Variants in CDC123 observed in about 807,000 individuals in gnomAD.
CDC123 encodes cell division cycle 123.
In CDC123, 37 loss-of-function variants were observed where a neutral mutation model predicts 54.4. That is an observed-to-expected ratio of 0.68 (90% CI 0.52 to 0.89). The LOEUF is 0.89. CDC123 is among the 40% of genes least tolerant of loss of function. The probability of loss-of-function intolerance (pLI) is 0.00; values close to 1 mark genes in which losing one functional copy is unlikely to be tolerated. For synonymous variants in CDC123, 144 were observed against 136.8 expected (o/e 1.05, Z -0.37); for missense variants, 361 against 412.1 (o/e 0.88, Z 1.07).
chr10:12,215,815 C>T lies in CDC123; in HGVS notation c.313C>T (p.Leu105Phe). ...CCTCGGGGGCAGTGTCTTTCCTAAG[C>T]TTAATTGGAGTGCCCCAAGGGTAGG... The part of the protein sequence containing the change: ...NSLGGSVFPK[L>F]NWSAPRDAYW... Residue 105 changes from leucine to phenylalanine, a missense_variant, in exon 5 of 13, where the codon CTT becomes TTT. Transcript: ENST00000281141. The T allele has an allele frequency of 1.2e-6, 2 of 1,610,884 alleles. No individual in the cohort carries two copies. The highest frequency in any genetic ancestry group is 1.7e-6 in the Non-Finnish European group (2 of 1,178,580).
chr10:12,205,867 T>C (rs906124655), intron 2 of CDC123, among the ~76,000 whole-genome samples: 1 of 152,136 alleles, frequency 6.6e-6, no homozygotes, highest in African/African-American at 2.4e-5. Context: ...GGCACGATCT[T>C]GGCCCACTGC....
chr10:12,228,418 T>TC (rs1229708392), intron 6 of CDC123, among the ~76,000 whole-genome samples: 2 of 151,940 alleles, frequency 1.3e-5, no homozygotes, highest in African/African-American at 4.8e-5. Context: ...AGTTTTTTTT[T>TC]TTTTTGAAAC....
rs1325131842 is a variant in CDC123 at position 12,235,129 on chromosome 10, T to A, written c.565+6T>A. 6.2e-7 allele frequency: 1 copy of A among 1,606,146 alleles called. No individual in the cohort carries two copies. Among genetic ancestry groups the A allele is most frequent in the East Asian group, 2.2e-5 (1 of 44,640 alleles). On this transcript the variant is annotated splice_donor_region_variant and intron_variant, in intron 8 of 12. Transcript: ENST00000281141. Reference sequence around the variant, plus strand: ...CAAGGAAAACAAGCTTATTGGTGAGTTTTTGTTTGTTTGTTTGTTTTATCC... The same window carrying A: ...CAAGGAAAACAAGCTTATTGGTGAGATTTTGTTTGTTTGTTTGTTTTATCC...
chr10:12,214,028 T>C (rs1010697078), intron 4 of CDC123, among the ~76,000 whole-genome samples: 4 of 152,218 alleles, frequency 2.6e-5, no homozygotes, highest in Admixed American at 2.0e-4. Flanking sequence ...AAACAGTACA[T>C]AGTCTTCCAC....
rs544242080 is a variant in CDC123, at chr10:12,223,583, G to A, written c.440+6116G>A. Among the ~76,000 whole-genome samples the A allele has an allele frequency of 4.6e-5, 7 of 152,216 alleles. No individual in the cohort carries two copies. The South Asian group carries it at 1.4e-3, about 32-fold the overall frequency. On this transcript the variant is annotated intron_variant, in intron 6 of 12. Coordinates refer to ENST00000281141, the MANE Select transcript of CDC123 (RefSeq NM_006023.3). ...TTATAGGCATGAGCCACTACACCGGGCCTAATTATAATTATGAAGTCCACA... is the reference window on the plus strand; with the variant it reads ...TTATAGGCATGAGCCACTACACCGGACCTAATTATAATTATGAAGTCCACA...
chr10:12,198,944 C>T (rs1172318489), intron 2 of CDC123, 168 bp downstream of exon 2: 1 of 529,836 alleles, frequency 1.9e-6, no homozygotes, highest in Non-Finnish European at 3.4e-6. Context: ...TTAATATTTT[C>T]AACATTAAGT....
At chr10:12,250,040 C>T (rs1836219901) in intron 12 of CDC123, 2 of 472,158 alleles carry the variant, frequency 4.2e-6, no homozygotes, top group African/African-American at 2.0e-5. Context: ...GGTGATTTTA[C>T]TCAAGAGGGG....
At chr10:12,203,880 G>A (rs1835478412) in intron 2 of CDC123, among the ~76,000 whole-genome samples, 1 of 152,084 alleles carries the variant, frequency 6.6e-6, no homozygotes, top group South Asian at 2.1e-4. Flanking sequence ...ATCACTTGAG[G>A]CCAGGAGATG....
At chr10:12,226,880 G>T (rs187531181) in intron 6 of CDC123, among the ~76,000 whole-genome samples, 1 of 152,120 alleles carries the variant, frequency 6.6e-6, no homozygotes, top group African/African-American at 2.4e-5. Flanking sequence ...CTGCAATCTC[G>T]GCACTTTGGG....
chr10:12,240,425 C>T (rs957435962), intron 10 of CDC123, among the ~76,000 whole-genome samples: 8 of 152,222 alleles, frequency 5.3e-5, no homozygotes, highest in Non-Finnish European at 2.9e-5. Flanking sequence ...CACCTTTGGA[C>T]ATCTTCGAAT....
At chr10:12,246,352 AG>A (rs1301995044) in intron 11 of CDC123, 75 bp downstream of exon 11, 1 of 1,547,900 alleles carries the variant, frequency 6.5e-7, no homozygotes, top group Non-Finnish European at 8.8e-7. Flanking sequence ...TCAGACGCAT[AG>A]GTAGGCGGCA....
chr10:12,235,163 C>T, intron 8 of CDC123, 40 bp downstream of exon 8: 1 of 1,515,068 alleles, frequency 6.6e-7, no homozygotes, highest in Non-Finnish European at 9.2e-7. Flanking sequence ...CCTTCAAAGT[C>T]ATCTTTAAAA....
intron 2 of CDC123, among the ~76,000 whole-genome samples, chr10:12,205,795 CTT>C (rs1297694986): frequency 6.6e-6 from 1 of 151,358 alleles, no homozygotes; most frequent in Non-Finnish European, 1.5e-5. Context: ...GTCTAATAAA[CTT>C]TCACTTTTTT....
chr10:12,226,595 G>T (rs1835819241), intron 6 of CDC123, among the ~76,000 whole-genome samples: 1 of 151,612 alleles, frequency 6.6e-6, no homozygotes, highest in African/African-American at 2.4e-5. Context: ...CGGCTGGGCA[G>T]AGGCGCTCCT....
At chr10:12,207,007 C>A (rs12411838) in intron 2 of CDC123, among the ~76,000 whole-genome samples, 76,573 of 149,764 alleles carry the variant, frequency 0.51, 20,721 homozygotes, top group Middle Eastern at 0.64. Flanking sequence ...TCCATTTTTG[C>A]CCATTTAAGG....
intron 6 of CDC123, among the ~76,000 whole-genome samples, chr10:12,221,361 G>A (rs1479318704): frequency 1.3e-5 from 2 of 152,162 alleles, no homozygotes. Context: ...ATGGTTAAAA[G>A]ATTGCTGCTA....
At chr10:12,204,692 G>A (rs1835490562) in intron 2 of CDC123, among the ~76,000 whole-genome samples, 1 of 152,002 alleles carries the variant, frequency 6.6e-6, no homozygotes, top group African/African-American at 2.4e-5. Flanking sequence ...CTATTGTTCT[G>A]TCAAGTAGTA....
chr10:12,200,934 A>G (rs1835430954), intron 2 of CDC123, among the ~76,000 whole-genome samples: 1 of 37,466 alleles, frequency 2.7e-5, no homozygotes, highest in African/African-American at 5.7e-5. Flanking sequence ...ACTTCGTCTC[A>G]AAAAAAAAAA....
At chr10:12,229,459 C>T (rs79828082) in intron 6 of CDC123, among the ~76,000 whole-genome samples, 3,632 of 152,302 alleles carry the variant, frequency 0.024, 143 homozygotes, top group African/African-American at 0.083. Context: ...AGCTGATCTT[C>T]TCTAGTTATT....
Sources: gnomAD v4.1 joint callset for allele counts (sites outside exome capture counted in the v4.1 genomes callset) on GRCh38, gnomAD v4.1.1 for gene constraint, MANE v1.5 for transcripts, NCBI Gene and HGNC (gene_info 2026-07-23, HGNC 2026-07-21) for gene names.